The following RALYL variants were observed in gnomAD, a reference collection of about 807,000 sequenced individuals.
RALYL encodes the protein RALY RNA binding protein like.
A neutral mutation model predicts 35.1 loss-of-function variants in RALYL; 29 were observed. The observed-to-expected ratio is 0.83, with a 90% confidence interval of 0.61 to 1.13. The LOEUF (loss-of-function observed/expected upper bound fraction) is 1.13. RALYL is among the 50% of genes most tolerant of loss of function. The pLI, the probability that RALYL is intolerant of heterozygous loss-of-function variation, is 0.00. For synonymous variants in RALYL, 120 were observed against 127.6 expected (o/e 0.94, Z 0.40); for missense variants, 359 against 360.4 (o/e 1.00, Z 0.03).
intron 2 of RALYL, among the ~76,000 whole-genome samples, chr8:84,649,027 A>G (rs1401205753): frequency 1.3e-5 from 2 of 151,976 alleles, no homozygotes; most frequent in African/African-American, 4.8e-5. Flanking sequence ...TGAATTTCTC[A>G]CAGTGATATC....
intron 1 of RALYL, among the ~76,000 whole-genome samples, chr8:84,324,001 T>C (rs1845343850): frequency 6.6e-6 from 1 of 152,220 alleles, no homozygotes; most frequent in South Asian, 2.1e-4. Context: ...AGTTGGATCA[T>C]GTAATATAGT....
chr8:84,510,720 G>T (rs1351582062), intron 1 of RALYL, among the ~76,000 whole-genome samples: 1 of 151,916 alleles, frequency 6.6e-6, no homozygotes, highest in Non-Finnish European at 1.5e-5. Context: ...TGAGGCAGGA[G>T]AATTGCTTGA....
intron 8 of RALYL, among the ~76,000 whole-genome samples, chr8:84,915,077 A>G (rs993680263): frequency 6.6e-5 from 10 of 152,060 alleles, no homozygotes; most frequent in African/African-American, 2.2e-4. Flanking sequence ...TACCTCACTG[A>G]TTTATAATAG....
intron 4 of RALYL, among the ~76,000 whole-genome samples, chr8:84,833,948 T>A (rs1255522273): frequency 2.6e-5 from 4 of 151,632 alleles, no homozygotes; most frequent in African/African-American, 9.7e-5. Flanking sequence ...ATTATTATAA[T>A]TATTATCATC....
At chr8:84,907,131 C>G (rs1846633158) in intron 8 of RALYL, 1 of 224,080 alleles carries the variant, frequency 4.5e-6, no homozygotes, top group African/African-American at 2.3e-5. Flanking sequence ...TATTAAGTAA[C>G]ATTTCCTAAA....
chr8:84,658,481 G>A (rs1368807776), intron 2 of RALYL, among the ~76,000 whole-genome samples: 1 of 152,154 alleles, frequency 6.6e-6, no homozygotes, highest in African/African-American at 2.4e-5. Context: ...AAAGGTGTAT[G>A]CATAGGAAAT....
intron 1 of RALYL, among the ~76,000 whole-genome samples, chr8:84,418,401 T>A (rs1172569499): frequency 6.6e-6 from 1 of 152,150 alleles, no homozygotes; most frequent in African/African-American, 2.4e-5. Flanking sequence ...TAGCTAGTAT[T>A]ACAAATGTCT....
chr8:84,257,281 G>A (rs1434199354), intron 1 of RALYL, among the ~76,000 whole-genome samples: 2 of 151,970 alleles, frequency 1.3e-5, no homozygotes, highest in Non-Finnish European at 2.9e-5. Context: ...CAGGTGGTTG[G>A]TAGAGCCCCA....
intron 1 of RALYL, among the ~76,000 whole-genome samples, chr8:84,361,821 A>G (rs141972240): frequency 6.6e-6 from 1 of 152,304 alleles, no homozygotes; most frequent in African/African-American, 2.4e-5. Context: ...AGAAGTTGAG[A>G]TAAATTGTGC....
chr8:84,218,537 T>C (rs1821389596), intron 1 of RALYL, among the ~76,000 whole-genome samples: 1 of 152,060 alleles, frequency 6.6e-6, no homozygotes, highest in Admixed American at 6.6e-5. Flanking sequence ...CACAGATTAC[T>C]CTGGTGCAAT....
chr8:84,550,756 G>A (rs760782594), intron 2 of RALYL, among the ~76,000 whole-genome samples: 1 of 151,800 alleles, frequency 6.6e-6, no homozygotes, highest in South Asian at 2.1e-4. Flanking sequence ...ACAATTTTCT[G>A]CAATGTTGAA....
chr8:84,738,470 C>A (rs952406352), intron 2 of RALYL, among the ~76,000 whole-genome samples: 7 of 152,032 alleles, frequency 4.6e-5, no homozygotes, highest in African/African-American at 1.7e-4. Flanking sequence ...CTTACAGACA[C>A]ACTTCAAACT....
At chr8:84,279,364 AG>A (rs1475829901) in intron 1 of RALYL, among the ~76,000 whole-genome samples, 4 of 152,186 alleles carry the variant, frequency 2.6e-5, no homozygotes, top group African/African-American at 9.7e-5. Flanking sequence ...GCAGCCAACA[AG>A]ATAGGTAAGT....
intron 2 of RALYL, among the ~76,000 whole-genome samples, chr8:84,597,413 T>C (rs1681355): frequency 0.19 from 28,813 of 152,032 alleles, 3,006 homozygotes; most frequent in Non-Finnish European, 0.23. Context: ...TGTCCAAACA[T>C]TCTTGATTTT....
chr8:84,375,392 T>C (rs1261219106), intron 1 of RALYL, among the ~76,000 whole-genome samples: 1 of 151,828 alleles, frequency 6.6e-6, no homozygotes, highest in African/African-American at 2.4e-5. Context: ...TTTAGAGTTA[T>C]CACTTACCAT....
At chr8:84,218,863 G>A (rs1000733259) in intron 1 of RALYL, among the ~76,000 whole-genome samples, 2 of 152,092 alleles carry the variant, frequency 1.3e-5, no homozygotes, top group Non-Finnish European at 2.9e-5. Context: ...GGAACAAATG[G>A]ATGGATAATA....
chr8:84,608,645 G>T (rs1386164265), intron 2 of RALYL, among the ~76,000 whole-genome samples: 1 of 152,078 alleles, frequency 6.6e-6, no homozygotes, highest in East Asian at 1.9e-4. Context: ...AAACTATTAG[G>T]ATAAAGTGTG....
intron 1 of RALYL, among the ~76,000 whole-genome samples, chr8:84,340,926 C>G (rs764803765): frequency 7.2e-5 from 11 of 151,986 alleles, no homozygotes; most frequent in Non-Finnish European, 1.6e-4. Context: ...TTTTACATTC[C>G]TACCAATACT....
intron 2 of RALYL, among the ~76,000 whole-genome samples, chr8:84,699,953 C>T (rs907472967): frequency 9.2e-5 from 14 of 151,956 alleles, no homozygotes; most frequent in African/African-American, 2.9e-4. Context: ...TAAGTATAAT[C>T]GCTAGGAAAT....
Sources: allele counts gnomAD v4.1 joint callset (sites outside exome capture counted in the v4.1 genomes callset), GRCh38; gene constraint gnomAD v4.1.1; transcripts MANE v1.5; gene names NCBI Gene and HGNC (gene_info 2026-07-23, HGNC 2026-07-21).